Variants in STK35 observed in about 807,000 individuals in gnomAD.
STK35 encodes serine/threonine kinase 35.
In STK35, 17 loss-of-function variants were observed where a neutral mutation model predicts 37.3. The observed-to-expected ratio is 0.46, with a 90% CI of 0.31 to 0.68. The LOEUF is 0.68. Ranked by LOEUF, STK35 falls within the 30% of genes least tolerant of loss-of-function variation. STK35 has a pLI of 0.05. For missense variants in STK35, 595 were observed against 746.7 expected (o/e 0.80, Z 2.37); for synonymous variants, 385 against 319.1 (o/e 1.21, Z -2.20).
chr20:2,110,581 CTTGT>C (rs1985598332), intron 2 of STK35, among the ~76,000 whole-genome samples: 2 of 152,186 alleles, frequency 1.3e-5, no homozygotes, highest in African/African-American at 4.8e-5. Flanking sequence ...GGTGGGGAGG[CTTGT>C]TTGTTTTGTG....
chr20:2,102,057 G>A lies in STK35; in HGVS notation c.176G>A (p.Arg59Gln), dbSNP rs770510417. 3.5e-5 allele frequency: 53 copies of A among 1,522,764 alleles called. No homozygotes were observed. Among genetic ancestry groups the A allele is most frequent in the Non-Finnish European group, 8.8e-6 (10 of 1,140,070 alleles). 94.3% of individuals were successfully genotyped at this position (1,522,764 alleles called of 1,614,324 possible). The change falls in exon 1 of 4, where the codon CGG becomes CAG. Residue 59 changes from arginine to glutamine, a missense_variant. Physicochemically the swap from Arg to Gln is conservative, Grantham distance 43. Coordinates refer to ENST00000381482, the MANE Select transcript of STK35 (RefSeq NM_080836.4). ...AAEGSATRRA[R>Q]AATSRAARSR... is the part of the protein sequence containing the mutation. ...GAAGGATCCGCTACACGCCGGGCTC[G>A]GGCCGCCACCTCCCGCGCTGCTCGG...
chr20:2,113,697 A>G (rs1464397512), intron 2 of STK35, among the ~76,000 whole-genome samples: 1 of 152,218 alleles, frequency 6.6e-6, no homozygotes, highest in African/African-American at 2.4e-5. Context: ...GTGACTTCCA[A>G]GGATTTGGTT....
At chr20:2,123,030 A>T (rs141066149) in intron 3 of STK35, among the ~76,000 whole-genome samples, 1 of 152,316 alleles carries the variant, frequency 6.6e-6, no homozygotes, top group East Asian at 1.9e-4. Context: ...CCCATGCAGG[A>T]AGCCAGCCAA....
chr20:2,117,588 G>A lies in STK35; in HGVS notation c.*37+173G>A, dbSNP rs188177024. 5.1e-3 allele frequency among the ~76,000 whole-genome samples: 777 copies of A among 152,262 alleles called. 7 individuals carry two copies. Among genetic ancestry groups the A allele is most frequent in the South Asian group, 0.019 (92 of 4,810 alleles). ...GCCACCTGGGTAGCTGGGATTACAG[G>A]CACCTGCCATCATGCCCGGCTAATT... On this transcript the variant is annotated intron_variant, in intron 3 of 3. Coordinates refer to ENST00000381482, the MANE Select transcript of STK35 (RefSeq NM_080836.4). This position sits in a 1 kb window ranked among gnomAD's most constrained non-coding sequence, Gnocchi z 4.4.
At chr20:2,105,815 G>C (rs1442115692) in intron 2 of STK35, among the ~76,000 whole-genome samples, 2 of 152,140 alleles carry the variant, frequency 1.3e-5, no homozygotes, top group African/African-American at 4.8e-5. Context: ...AACACACCTT[G>C]TTTTCTGTGT....
rs554791601 is a variant in STK35, at chr20:2,111,423, G to A, written c.893-5243G>A. 4.2e-4 allele frequency among the ~76,000 whole-genome samples: 64 copies of A among 152,304 alleles called. 1 individual carries two copies. Among genetic ancestry groups the A allele is most frequent in the Middle Eastern group, 3.4e-3 (1 of 294 alleles). ...CTAAAATACGTCAGTGGCCAGGCGT[G>A]GTGGCTCATGCCTATAATTACCCAG... On this transcript the variant is annotated intron_variant, in intron 2 of 3. Transcript: ENST00000381482.
chr20:2,134,452 G>C (rs1437348802), intron 3 of STK35, among the ~76,000 whole-genome samples: 1 of 152,058 alleles, frequency 6.6e-6, no homozygotes, highest in African/African-American at 2.4e-5. Flanking sequence ...CCTGTGCTGG[G>C]GGTGCCCTGT....
chr20:2,124,236 A>G (rs1568578051), intron 3 of STK35, among the ~76,000 whole-genome samples: 1 of 152,232 alleles, frequency 6.6e-6, no homozygotes, highest in Non-Finnish European at 1.5e-5. Flanking sequence ...GTAGGGCTTC[A>G]AGAGGAGCTA....
chr20:2,139,552 T>TA (rs1986139549), intron 3 of STK35, among the ~76,000 whole-genome samples: 1 of 152,170 alleles, frequency 6.6e-6, no homozygotes, highest in Non-Finnish European at 1.5e-5. Context: ...TGCCCTGAGT[T>TA]AAACCCTTTT....
chr20:2,143,970 T>TC lies in STK35; in HGVS notation c.*226dup. 1 of 394,872 alleles carries TC rather than the reference T, an allele frequency of 2.5e-6. No individual in the cohort carries two copies. 24.5% of individuals were successfully genotyped at this position (394,872 alleles called of 1,614,324 possible). On this transcript the variant is annotated 3_prime_UTR_variant, in exon 4 of 4. Transcript: ENST00000381482. ...TTCCTTTTCTTTTCTTTTTTTTTTTTCCTCTTTCCTTTTTTTAAATTTAAA... is the reference window on the plus strand; with the variant it reads ...TTCCTTTTCTTTTCTTTTTTTTTTTTCCCTCTTTCCTTTTTTTAAATTTAAA...
chr20:2,106,217 G>A (rs1186483915), intron 2 of STK35, among the ~76,000 whole-genome samples: 1 of 152,184 alleles, frequency 6.6e-6, no homozygotes, highest in African/African-American at 2.4e-5. Flanking sequence ...TGGGTTTACA[G>A]CATGCAAATA....
Position 2,138,785 on chromosome 20 carries a change from C to T in STK35, c.*38-4999C>T, listed in dbSNP as rs61061157. ...TAATAATCCCAGCACTTTGGGAGACCAAGGCAGGAGGATTGCATGAGCGAA... is the reference window on the plus strand; with the variant it reads ...TAATAATCCCAGCACTTTGGGAGACTAAGGCAGGAGGATTGCATGAGCGAA... On this transcript the variant is annotated intron_variant, in intron 3 of 3. Transcript: ENST00000381482. Among the ~76,000 whole-genome samples, 682 of 152,224 alleles carry T rather than the reference C, an allele frequency of 4.5e-3. 5 individuals are homozygous for T. The highest frequency in any genetic ancestry group is 0.016 in the African/African-American group (653 of 41,532).
intron 1 of STK35, 86 bp from the exon 2 acceptor site, chr20:2,102,682 G>A (rs1393760995): frequency 8.1e-6 from 10 of 1,227,322 alleles, no homozygotes; most frequent in Non-Finnish European, 9.4e-6. Flanking sequence ...CGGCGGCCGG[G>A]GGAGGAGGAG....
intron 3 of STK35, among the ~76,000 whole-genome samples, chr20:2,133,835 CTGCT>C (rs1483297014): frequency 1.3e-5 from 2 of 152,252 alleles, no homozygotes; most frequent in African/African-American, 2.4e-5. Context: ...TTCACAGTAA[CTGCT>C]TGCTCCACTG....
rs375733473 is a variant in STK35, at chr20:2,102,186, C to T, written c.294+11C>T. 8.6e-5 allele frequency: 118 copies of T among 1,371,764 alleles called. No individual in the cohort carries two copies. The African/African-American group carries it at 1.7e-3, about 20-fold the overall frequency. The allele number at this position is 1,371,764 out of a possible 1,614,324, so 85.0% of individuals were successfully genotyped here. A position where few individuals can be genotyped will look rare whatever the true frequency, so the allele number is the denominator to read the frequency against. ...AGGTGCGCGGGCCAGGTAAGGGCGC[C>T]GTTGGAGGACTGAAGGCCAGCGCCG... On this transcript the variant is annotated intron_variant, in intron 1 of 3. Transcript: ENST00000381482.
chr20:2,103,004 G>T lies in STK35; in HGVS notation c.531G>T (p.Ala177=). The change falls in exon 2 of 4, where the codon GCG becomes GCT. Residue 177 remains alanine, a synonymous_variant. Transcript: ENST00000381482. ...CGGCCCGGGCCATGGATCCGGTGGC[G>T]GCCGAGGCCCCGGGCGAGGCCTTCC... The part of the protein sequence containing the change: ...AAAARAMDPV[A]AEAPGEAFLA... The T allele has an allele frequency of 1.4e-6, 2 of 1,418,132 alleles. No homozygotes were observed. Among genetic ancestry groups the T allele is most frequent in the East Asian group, 3.0e-5 (1 of 33,400 alleles). The allele number at this position is 1,418,132 out of a possible 1,614,324, so 87.8% of individuals were successfully genotyped here. A position where few individuals can be genotyped will look rare whatever the true frequency, so the allele number is the denominator to read the frequency against.
At chr20:2,120,235 G>T (rs1244847442) in intron 3 of STK35, among the ~76,000 whole-genome samples, 1 of 152,196 alleles carries the variant, frequency 6.6e-6, no homozygotes, top group Non-Finnish European at 1.5e-5. Context: ...TGAGATCAGG[G>T]CTTCCATGTG....
In STK35 at chr20:2,102,964, T is replaced by G; in HGVS notation, c.491T>G (p.Leu164Arg). The G allele has an allele frequency of 2.1e-6, 3 of 1,445,798 alleles. No homozygotes were observed. Among genetic ancestry groups the G allele is most frequent in the Non-Finnish European group, 2.7e-6 (3 of 1,105,312 alleles). 89.6% of individuals were successfully genotyped at this position (1,445,798 alleles called of 1,614,324 possible). ...GTGCCGCGGGCGCCCAGCACGAAGC[T>G]GAGGCCGGCGGCGGCGGCCCGGGCC... ...SPVPRAPSTKLRPAAAARAMD... is the reference protein window; with the variant it reads ...SPVPRAPSTKRRPAAAARAMD... The change falls in exon 2 of 4, where the codon CTG becomes CGG. Residue 164 changes from leucine to arginine, a missense_variant. Transcript: ENST00000381482.
intron 3 of STK35, among the ~76,000 whole-genome samples, chr20:2,138,477 C>T (rs1280602412): frequency 1.3e-5 from 2 of 152,136 alleles, no homozygotes; most frequent in African/African-American, 2.4e-5. Flanking sequence ...TGCCCATTTT[C>T]TAGTTTAGGA....
Sources: gnomAD v4.1 joint callset for allele counts (sites outside exome capture counted in the v4.1 genomes callset) on GRCh38, gnomAD v4.1.1 for gene constraint, Gnocchi (gnomAD v3.1) non-coding constraint, MANE v1.5 for transcripts, NCBI Gene and HGNC (gene_info 2026-07-23, HGNC 2026-07-21) for gene names.